Variants in DARS1 observed in about 807,000 individuals in gnomAD.
DARS1 encodes aspartate--tRNA ligase, cytoplasmic.
In DARS1, 51 loss-of-function variants were observed where a neutral mutation model predicts 68.8. The observed-to-expected ratio is 0.74, with a 90% confidence interval of 0.59 to 0.94. The LOEUF (loss-of-function observed/expected upper bound fraction) is 0.94, where lower values mean the gene tolerates loss of function less well. Among genes scored for constraint, DARS1 ranks in the 40% least tolerant of loss-of-function variants. The probability of loss-of-function intolerance (pLI) is 0.00; values close to 1 mark genes in which losing one functional copy is unlikely to be tolerated. For missense variants in DARS1, 607 were observed against 597.3 expected (o/e 1.02, Z -0.17); for synonymous variants, 203 against 190.4 (o/e 1.07, Z -0.55).
chr2:135,969,665 G>T (rs1558798754), intron 3 of DARS1, among the ~76,000 whole-genome samples: 1 of 148,718 alleles, frequency 6.7e-6, no homozygotes, highest in African/African-American at 2.5e-5. Context: ...TTTATTCAAA[G>T]AATCTAAAAA....
intron 4 of DARS1, among the ~76,000 whole-genome samples, chr2:135,948,148 G>A (rs141540393): frequency 1.2e-4 from 19 of 152,300 alleles, no homozygotes; most frequent in African/African-American, 4.3e-4. Flanking sequence ...CAGTGGACAG[G>A]ACTGAAAATA....
intron 3 of DARS1, among the ~76,000 whole-genome samples, chr2:135,973,741 G>A (rs931946725): frequency 5.9e-5 from 9 of 152,032 alleles, no homozygotes; most frequent in African/African-American, 2.2e-4. Context: ...GTGGTGACAT[G>A]TGCCTGTAGT....
chr2:135,932,154 G>C lies in DARS1; in HGVS notation c.564+629C>G, dbSNP rs1681366772. ...TAGAATAGCCAAGAAGAACTCTTAA[G>C]GTGACAAAAAATTTGAGCTTGAGTA... On this transcript the variant is annotated intron_variant, in intron 7 of 15. Coordinates refer to ENST00000264161, the MANE Select transcript of DARS1 (RefSeq NM_001349.4). Among the ~76,000 whole-genome samples, 4 of 152,232 alleles carry C rather than the reference G, an allele frequency of 2.6e-5. No homozygotes were observed. The South Asian group carries it at 8.3e-4, about 32-fold the overall frequency.
chr2:135,907,418 C>A lies in DARS1; in HGVS notation c.1415-11G>T. On this transcript the variant is annotated splice_polypyrimidine_tract_variant and intron_variant, in intron 15 of 15. Transcript: ENST00000264161. The stretch of plus-strand genomic sequence containing the variant: ...TAACTCGTTCCAATCCTGGGGAAGA[C>A]AAAAATAATCATTAATTCCTTTTTG... 6.3e-7 allele frequency: 1 copy of A among 1,581,682 alleles called. No individual in the cohort carries two copies. The highest frequency in any genetic ancestry group is 1.1e-5 in the South Asian group (1 of 89,666).
chr2:135,985,488 G>A lies in DARS1; in HGVS notation c.-20C>T, dbSNP rs772247016. Reference sequence around the variant, plus strand: ...GGGCATCGGGACACGGAACTGGGCAGTGGACACCACCCTCCCTCGCAGGCT... The same window carrying A: ...GGGCATCGGGACACGGAACTGGGCAATGGACACCACCCTCCCTCGCAGGCT... On this transcript the variant is annotated 5_prime_UTR_variant, in exon 1 of 16. Transcript: ENST00000264161. 4 of 1,613,998 alleles carry A rather than the reference G, an allele frequency of 2.5e-6. No individual in the cohort carries two copies. The highest frequency in any genetic ancestry group is 1.3e-5 in the African/African-American group (1 of 75,058).
chr2:135,964,372 C>T (rs970785689), intron 3 of DARS1, among the ~76,000 whole-genome samples: 16 of 152,094 alleles, frequency 1.1e-4, no homozygotes, highest in African/African-American at 3.9e-4. Context: ...GAACTATACA[C>T]TCACAGGTAG....
At position 135,979,316 on chromosome 2, in the gene DARS1, C is replaced by T; in HGVS notation, c.175G>A (p.Val59Ile). The change falls in exon 3 of 16, where the codon GTT (valine) becomes ATT (isoleucine). Residue 59 changes from valine to isoleucine, a missense_variant. Coordinates refer to ENST00000264161, the MANE Select transcript of DARS1 (RefSeq NM_001349.4). Reference protein sequence around the residue: ...RDLTIQKADEVVWVRARVHTS... With the variant: ...RDLTIQKADEIVWVRARVHTS... ...TGAACTCTTGCACGTACCCAAACAACTTCATCAGCTTTTTGTATTGTCAAG... is the reference window on the plus strand; with the variant it reads ...TGAACTCTTGCACGTACCCAAACAATTTCATCAGCTTTTTGTATTGTCAAG... The T allele has an allele frequency of 1.3e-6, 2 of 1,524,830 alleles. No individual in the cohort carries two copies. The highest frequency in any genetic ancestry group is 1.8e-6 in the Non-Finnish European group (2 of 1,098,450). 94.5% of individuals were successfully genotyped at this position (1,524,830 alleles called of 1,614,324 possible).
At chr2:135,956,254 A>C (rs1027591931) in intron 4 of DARS1, among the ~76,000 whole-genome samples, 2 of 152,250 alleles carry the variant, frequency 1.3e-5, no homozygotes, top group African/African-American at 2.4e-5. Flanking sequence ...CTGAGTATAG[A>C]ACTAGGCTTA....
At chr2:135,978,101 A>T (rs1388294969) in intron 3 of DARS1, among the ~76,000 whole-genome samples, 6 of 146,662 alleles carry the variant, frequency 4.1e-5, no homozygotes, top group Non-Finnish European at 1.5e-5. Flanking sequence ...CGAGATCGCA[A>T]CACAGCACTC....
chr2:135,953,008 G>T lies in DARS1; in HGVS notation c.320+8388C>A, dbSNP rs983443473. Among the ~76,000 whole-genome samples, 5 of 152,238 alleles carry T rather than the reference G, an allele frequency of 3.3e-5. No homozygotes were observed. In the East Asian group the frequency reaches 7.7e-4, roughly 23 times the overall value. On this transcript the variant is annotated intron_variant, in intron 4 of 15. Coordinates refer to ENST00000264161, the MANE Select transcript of DARS1 (RefSeq NM_001349.4). ...CATTCCCACCAATAGTGTATGAGGGGTTTCCCTTTCTCCACATCAAGTTTT... is the reference window on the plus strand; with the variant it reads ...CATTCCCACCAATAGTGTATGAGGGTTTTCCCTTTCTCCACATCAAGTTTT...
chr2:135,962,106 ATTT>A (rs372094865), intron 3 of DARS1, among the ~76,000 whole-genome samples: 107 of 150,660 alleles, frequency 7.1e-4, no homozygotes, highest in African/African-American at 2.5e-3. Flanking sequence ...TGAGTCTCGC[ATTT>A]TTTTTTACTC....
At chr2:135,969,969 T>C (rs1293852698) in intron 3 of DARS1, among the ~76,000 whole-genome samples, 1 of 152,220 alleles carries the variant, frequency 6.6e-6, no homozygotes, top group African/African-American at 2.4e-5. Flanking sequence ...CTGTAACTCA[T>C]GCCTAAACAA....
At position 135,961,416 on chromosome 2, in the gene DARS1, C is replaced by T; in HGVS notation, c.300G>A (p.Gln100=). ...CTTACTTGGCAGCAAATTTAACCAT[C>T]TGCTTGCTTGCATGGTCTCCCACCG... ...LVAVGDHASK[Q]MVKFAANINK... The change falls in exon 4 of 16, where the codon CAG becomes CAA. Residue 100 remains glutamine (Q), a synonymous_variant. Transcript: ENST00000264161. 6.8e-7 allele frequency: 1 copy of T among 1,465,316 alleles called. No individual in the cohort carries two copies. The highest frequency in any genetic ancestry group is 1.4e-5 in the African/African-American group (1 of 72,280). 90.8% of individuals were successfully genotyped at this position (1,465,316 alleles called of 1,614,324 possible). A position where few individuals can be genotyped will look rare whatever the true frequency, so the allele number is the denominator to read the frequency against.
At chr2:135,909,065 T>C (rs1051596954) in intron 15 of DARS1, among the ~76,000 whole-genome samples, 8 of 141,352 alleles carry the variant, frequency 5.7e-5, no homozygotes, top group Non-Finnish European at 1.2e-4. Flanking sequence ...TTCTCACTTA[T>C]AAGTGGGAGC....
chr2:135,974,644 T>C (rs1347442), intron 3 of DARS1, among the ~76,000 whole-genome samples: 4,773 of 152,334 alleles, frequency 0.031, 184 homozygotes, highest in African/African-American at 0.095. Flanking sequence ...CATTTAGAAC[T>C]GGAATTTCTG....
chr2:135,975,410 A>G (rs570060147), intron 3 of DARS1, among the ~76,000 whole-genome samples: 7 of 152,270 alleles, frequency 4.6e-5, no homozygotes, highest in Non-Finnish European at 8.8e-5. Context: ...AGATAAAGAA[A>G]AGTGCAAGTT....
At chr2:135,922,966 T>C (rs780217954) in intron 8 of DARS1, 48 bp from the exon 9 acceptor site, 2 of 1,381,430 alleles carry the variant, frequency 1.4e-6, no homozygotes, top group South Asian at 2.0e-5. Flanking sequence ...AATTGTAAAC[T>C]TATCAATGCA....
intron 5 of DARS1, 100 bp downstream of exon 5, chr2:135,943,278 G>GT: frequency 6.9e-7 from 1 of 1,456,464 alleles, no homozygotes; most frequent in Non-Finnish European, 9.2e-7. Context: ...ATAAACCTCA[G>GT]TATTTTACAT....
intron 1 of DARS1, among the ~76,000 whole-genome samples, chr2:135,984,068 A>C (rs1053812117): frequency 6.6e-6 from 1 of 152,234 alleles, no homozygotes. Context: ...TAATAATATC[A>C]AATTTCTTGT....
Sources: gnomAD v4.1 joint callset for allele counts (sites outside exome capture counted in the v4.1 genomes callset) on GRCh38, gnomAD v4.1.1 for gene constraint, MANE v1.5 for transcripts, NCBI Gene and HGNC (gene_info 2026-07-23, HGNC 2026-07-21) for gene names.